The following RGS6 variants were observed in gnomAD, a reference collection of about 807,000 sequenced individuals.
The protein encoded by RGS6 is regulator of G-protein signaling 6.
Under a neutral mutation model 78.5 loss-of-function variants are expected in RGS6, and 30 were observed. That is an observed-to-expected ratio of 0.38 (90% CI 0.29 to 0.52). The LOEUF is 0.52. Among genes scored for constraint, RGS6 ranks in the 20% least tolerant of loss-of-function variants. The pLI, the probability that RGS6 is intolerant of heterozygous loss-of-function variation, is 0.85. For missense variants in RGS6, 495 were observed against 609.7 expected (o/e 0.81, Z 1.98); for synonymous variants, 206 against 206.0 (o/e 1.00, Z 0.00).
chr14:72,119,805 A>G (rs2096002765), intron 2 of RGS6, among the ~76,000 whole-genome samples: 1 of 152,240 alleles, frequency 6.6e-6, no homozygotes, highest in Non-Finnish European at 1.5e-5. Context: ...GGAAATGCAC[A>G]AATATCCTAA....
intron 1 of RGS6, among the ~76,000 whole-genome samples, chr14:71,959,970 C>T (rs2093069804): frequency 1.3e-5 from 2 of 152,280 alleles, no homozygotes; most frequent in African/African-American, 2.4e-5. Flanking sequence ...GATGTGATTC[C>T]CAGTCTGACT....
chr14:72,071,215 T>G (rs1332009150), intron 2 of RGS6, among the ~76,000 whole-genome samples: 1 of 152,252 alleles, frequency 6.6e-6, no homozygotes, highest in African/African-American at 2.4e-5. Flanking sequence ...ATATGGAGTA[T>G]GGTTCGTTCA....
At chr14:72,473,093 T>C in intron 9 of RGS6, 140 bp downstream of exon 9, 1 of 564,178 alleles carries the variant, frequency 1.8e-6, no homozygotes, top group Non-Finnish European at 3.1e-6. Context: ...GGTTTCGCCA[T>C]TCATTTATAT....
At position 72,285,225 on chromosome 14, in the gene RGS6, G is replaced by A. The variant is rs565130186; in HGVS notation, c.85-66870G>A. The stretch of plus-strand genomic sequence containing the variant: ...TGAAATGTAAGGACATGAGATTTGG[G>A]AGGGGCCGGGGGCAGAATGATATGG... On this transcript the variant is annotated intron_variant, in intron 2 of 17. Transcript: ENST00000553525. Among the ~76,000 whole-genome samples, 4 of 152,134 alleles carry A rather than the reference G, an allele frequency of 2.6e-5. No homozygotes were observed. The South Asian group carries it at 8.3e-4, about 31-fold the overall frequency.
chr14:72,504,897 G>T (rs1688766844), intron 13 of RGS6, among the ~76,000 whole-genome samples: 1 of 149,850 alleles, frequency 6.7e-6, no homozygotes, highest in Non-Finnish European at 1.5e-5. Flanking sequence ...GGGAATTACA[G>T]GTGCCCACCA....
chr14:71,996,992 G>A (rs1050887082), intron 2 of RGS6, among the ~76,000 whole-genome samples: 1 of 152,138 alleles, frequency 6.6e-6, no homozygotes, highest in African/African-American at 2.4e-5. Flanking sequence ...GATGAGGTTT[G>A]ATATGCATGA....
chr14:72,295,972 T>C (rs1443627805), intron 2 of RGS6, among the ~76,000 whole-genome samples: 1 of 152,220 alleles, frequency 6.6e-6, no homozygotes, highest in East Asian at 1.9e-4. Context: ...TCTACCAAAA[T>C]CAACAACATT....
intron 16 of RGS6, among the ~76,000 whole-genome samples, chr14:72,536,905 G>T (rs945457860): frequency 1.3e-5 from 2 of 152,126 alleles, no homozygotes; most frequent in African/African-American, 4.8e-5. Flanking sequence ...ACTCAGCCAT[G>T]GTTCCTTGCA....
At chr14:72,504,066 C>T (rs142232283) in intron 13 of RGS6, among the ~76,000 whole-genome samples, 1 of 152,358 alleles carries the variant, frequency 6.6e-6, no homozygotes, top group Non-Finnish European at 1.5e-5. Flanking sequence ...TGCTCTCCTA[C>T]TACATGTCCC....
chr14:72,516,247 T>G (rs1260039708), intron 14 of RGS6, among the ~76,000 whole-genome samples: 3 of 152,192 alleles, frequency 2.0e-5, no homozygotes, highest in Admixed American at 1.3e-4. Flanking sequence ...CCATTTTCAC[T>G]TGGCAAGCCT....
intron 3 of RGS6, among the ~76,000 whole-genome samples, chr14:72,401,190 G>T (rs1596884444): frequency 6.6e-6 from 1 of 152,016 alleles, no homozygotes; most frequent in South Asian, 2.1e-4. Flanking sequence ...ACAAATCCCT[G>T]ATGTAAAATC....
intron 3 of RGS6, among the ~76,000 whole-genome samples, chr14:72,381,512 A>G (rs372841415): frequency 6.6e-6 from 1 of 152,258 alleles, no homozygotes; most frequent in East Asian, 1.9e-4. Context: ...CTTCTATGTA[A>G]AAATGGACGC....
intron 3 of RGS6, among the ~76,000 whole-genome samples, chr14:72,379,667 A>T (rs563340953): frequency 2.6e-5 from 4 of 152,262 alleles, no homozygotes; most frequent in African/African-American, 9.6e-5. Context: ...CTGATGAAAG[A>T]AGTTGAAGAG....
intron 3 of RGS6, among the ~76,000 whole-genome samples, chr14:72,354,177 C>T (rs1026807448): frequency 1.3e-5 from 2 of 152,162 alleles, no homozygotes; most frequent in African/African-American, 4.8e-5. Flanking sequence ...GAACAAAGCA[C>T]CCTACACTGG....
intron 2 of RGS6, among the ~76,000 whole-genome samples, chr14:72,258,633 C>G (rs759519852): frequency 7.2e-5 from 11 of 152,152 alleles, no homozygotes; most frequent in Non-Finnish European, 1.6e-4. Flanking sequence ...TGGGTCTTCA[C>G]GCTTCTTGAT....
the RGS6 span, among the ~76,000 whole-genome samples, chr14:71,917,966 G>A: frequency 1.5e-4 from 23 of 151,974 alleles, no homozygotes; most frequent in Admixed American, 3.3e-4. Context: ...GAGGTCAGGA[G>A]ATCGAGACCA....
At chr14:72,236,891 G>T (rs1264775911) in intron 2 of RGS6, among the ~76,000 whole-genome samples, 1 of 152,204 alleles carries the variant, frequency 6.6e-6, no homozygotes, top group Non-Finnish European at 1.5e-5. Flanking sequence ...GCCGGGCAAA[G>T]GTGCTCCTGC....
chr14:72,398,662 C>A (rs950680780), intron 3 of RGS6, among the ~76,000 whole-genome samples: 8 of 152,038 alleles, frequency 5.3e-5, no homozygotes, highest in African/African-American at 1.9e-4. Context: ...AATTTTAGAC[C>A]TTTCATGCTT....
chr14:72,541,008 C>T (rs2097318642), intron 17 of RGS6: 1 of 1,290,582 alleles, frequency 7.7e-7, no homozygotes, highest in Non-Finnish European at 1.0e-6. Context: ...GCTGGTCGGC[C>T]CAAGATTTGA....
Sources: gnomAD v4.1 joint callset for allele counts (sites outside exome capture counted in the v4.1 genomes callset) on GRCh38, gnomAD v4.1.1 for gene constraint, MANE v1.5 for transcripts, NCBI Gene and HGNC (gene_info 2026-07-23, HGNC 2026-07-21) for gene names.